APMAP: variants seen among roughly 807,000 people sequenced by gnomAD.
The protein encoded by APMAP is adipocyte plasma membrane associated protein.
In APMAP, 33 loss-of-function variants were observed where a neutral mutation model predicts 43.6. That is an observed-to-expected ratio of 0.76 (90% CI 0.57 to 1.01). The LOEUF is 1.01. Among genes scored for constraint, APMAP ranks in the 50% least tolerant of loss-of-function variants. The pLI is 0.00. For missense variants in APMAP, 498 were observed against 540.7 expected, an observed-to-expected ratio of 0.92 and a Z score of 0.78; for synonymous variants, 224 against 216.7, an observed-to-expected ratio of 1.03 and a Z score of -0.30.
intron 2 of APMAP, among the ~76,000 whole-genome samples, chr20:24,982,843 C>T (rs2088117206): frequency 6.6e-6 from 1 of 151,722 alleles, no homozygotes; most frequent in Non-Finnish European, 1.5e-5. Context: ...CCCCCCCCGC[C>T]ACCCACCCCT....
At chr20:24,978,712 C>G in intron 3 of APMAP, 55 bp downstream of exon 3, 2 of 1,174,978 alleles carry the variant, frequency 1.7e-6, no homozygotes, top group Non-Finnish European at 2.5e-6. Context: ...AGAACCCGCC[C>G]CCTCAGACAA....
In APMAP at chr20:24,969,630, T is replaced by G. The variant is rs199672755; in HGVS notation, c.744A>C (p.Glu248Asp). ...RLLEYDTVTREVKVLLDQLRF... is the reference protein window; with the variant it reads ...RLLEYDTVTRDVKVLLDQLRF... ...GCAGCTGGTCCAATAAAACTTTTAC[T>G]TCCCTGGTCACAGTATCATACTCCA... Residue 248 changes from glutamate to aspartate, a missense_variant, in exon 7 of 9, where the codon GAA becomes GAC. Coordinates refer to ENST00000217456, the MANE Select transcript of APMAP (RefSeq NM_020531.3). 2.5e-5 allele frequency: 41 copies of G among 1,613,916 alleles called. No homozygotes were observed. The Admixed American group carries it at 6.3e-4, about 25-fold the overall frequency.
In APMAP at chr20:24,992,682, C is replaced by T; in HGVS notation, c.7G>A (p.Glu3Lys). 1 of 1,530,172 alleles carries T rather than the reference C, an allele frequency of 6.5e-7. No individual in the cohort carries two copies. Among genetic ancestry groups the T allele is most frequent in the Non-Finnish European group, 8.8e-7 (1 of 1,139,318 alleles). 94.8% of individuals were successfully genotyped at this position (1,530,172 alleles called of 1,614,324 possible). The change falls in exon 1 of 9, where the codon GAG (glutamate) becomes AAG (lysine). Residue 3 changes from glutamate (E) to lysine (K), a missense_variant. Physicochemically the swap from Glu to Lys is moderately conservative, Grantham distance 56 (BLOSUM62 1). Transcript: ENST00000217456. Reference protein sequence around the residue: MSEADGLRQRRPL... With the variant: MSKADGLRQRRPL... ...CGGCGCTGTCGCAGCCCGTCCGCCT[C>T]GCTCATGGTACGGGCGCCAGCCTCA...
chr20:24,970,127 A>G (rs530061238), intron 6 of APMAP, 70 bp downstream of exon 6: 1 of 1,560,808 alleles, frequency 6.4e-7, no homozygotes, highest in South Asian at 1.1e-5. Context: ...CCTAGAAGTA[A>G]CAGGCTCTGC....
chr20:24,983,879 C>A (rs774281380), intron 2 of APMAP, 24 bp downstream of exon 2: 4 of 1,537,214 alleles, frequency 2.6e-6, no homozygotes, highest in Non-Finnish European at 2.7e-6. Context: ...AGCAACCCCT[C>A]CTGAGGACTG....
chr20:24,980,646 A>G lies in APMAP; in HGVS notation c.213-1764T>C, dbSNP rs111747494. On this transcript the variant is annotated intron_variant, in intron 2 of 8. Transcript: ENST00000217456. ...ACCACAGTCAAGAGGCCATGCTACC[A>G]TGACAAAAGCAGACCTACCAGCTTC... 6.1e-3 allele frequency among the ~76,000 whole-genome samples: 915 copies of G among 149,122 alleles called. 14 individuals are homozygous for G. Among genetic ancestry groups the G allele is most frequent in the African/African-American group, 0.022 (891 of 40,038 alleles).
Position 24,992,743 on chromosome 20 carries a change from T to A in APMAP, c.-55A>T. 1 of 1,358,316 alleles carries A rather than the reference T, an allele frequency of 7.4e-7. No homozygotes were observed. Among genetic ancestry groups the A allele is most frequent in the Non-Finnish European group, 9.8e-7 (1 of 1,025,434 alleles). The allele number at this position is 1,358,316 out of a possible 1,614,324, so 84.1% of individuals were successfully genotyped here. A position where few individuals can be genotyped will look rare whatever the true frequency, so the allele number is the denominator to read the frequency against. On this transcript the variant is annotated 5_prime_UTR_variant, in exon 1 of 9. Transcript: ENST00000217456. ...CCACCTCACACTGAGCGGCGCCGGC[T>A]CAGACTCCAGGCCCGCCCTCCCCCG...
At chr20:24,980,958 G>A (rs1159162433) in intron 2 of APMAP, among the ~76,000 whole-genome samples, 2 of 152,224 alleles carry the variant, frequency 1.3e-5, no homozygotes, top group Admixed American at 1.3e-4. Context: ...GCTGATGGAC[G>A]GGTGTTTGGG....
At chr20:24,981,604 G>A (rs1189495499) in intron 2 of APMAP, among the ~76,000 whole-genome samples, 1 of 152,154 alleles carries the variant, frequency 6.6e-6, no homozygotes, top group Admixed American at 6.5e-5. Flanking sequence ...CACCCATAAA[G>A]GTTGTTGCTA....
At chr20:24,991,683 A>G (rs1211391479) in intron 1 of APMAP, among the ~76,000 whole-genome samples, 2 of 152,238 alleles carry the variant, frequency 1.3e-5, no homozygotes, top group African/African-American at 2.4e-5. Flanking sequence ...TCTATCAAAT[A>G]TAAGTCAATC....
chr20:24,971,505 C>G lies in APMAP; in HGVS notation c.493G>C (p.Val165Leu). Residue 165 changes from valine (V) to leucine (L), a missense_variant, in exon 5 of 9, where the codon GTG becomes CTG. Physicochemically the swap from Val to Leu is conservative, Grantham distance 32. Coordinates refer to ENST00000217456, the MANE Select transcript of APMAP (RefSeq NM_020531.3). ...IRAGPNGTLF[V>L]ADAYKGLFEV... ...AATAGTCCCTTGTATGCATCGGCCA[C>G]AAAGAGAGTCCCATTGGGCCCTGCA... 6.2e-7 allele frequency: 1 copy of G among 1,614,226 alleles called. No homozygotes were observed. Among genetic ancestry groups the G allele is most frequent in the Non-Finnish European group, 8.5e-7 (1 of 1,180,028 alleles).
At chr20:24,976,675 C>T (rs1207711185) in intron 3 of APMAP, among the ~76,000 whole-genome samples, 2 of 152,196 alleles carry the variant, frequency 1.3e-5, no homozygotes, top group Non-Finnish European at 2.9e-5. Context: ...AGCAATTATG[C>T]TTTTCGGTAT....
At chr20:24,972,202 G>A (rs921550196) in intron 4 of APMAP, among the ~76,000 whole-genome samples, 1 of 147,770 alleles carries the variant, frequency 6.8e-6, no homozygotes, top group Non-Finnish European at 1.5e-5. Flanking sequence ...TGTTCACTGT[G>A]AGGTACTCAC....
At chr20:24,989,036 A>C (rs1268289397) in intron 1 of APMAP, among the ~76,000 whole-genome samples, 6 of 150,860 alleles carry the variant, frequency 4.0e-5, no homozygotes, top group Non-Finnish European at 8.8e-5. Context: ...GGCCCTCATC[A>C]GTGTTGCTTC....
chr20:24,980,495 C>T (rs923930436), intron 2 of APMAP, among the ~76,000 whole-genome samples: 4 of 146,952 alleles, frequency 2.7e-5, no homozygotes, highest in South Asian at 2.2e-4. Context: ...TGCTCGGCCT[C>T]GGTCACCTCT....
At chr20:24,976,871 G>A (rs999543003) in intron 3 of APMAP, among the ~76,000 whole-genome samples, 25 of 152,226 alleles carry the variant, frequency 1.6e-4, no homozygotes, top group Admixed American at 9.2e-4. Flanking sequence ...ATCAACCCAT[G>A]GAAAGACATG....
chr20:24,978,656 G>A lies in APMAP; in HGVS notation c.328+111C>T, dbSNP rs2088071663. 9 of 827,288 alleles carry A rather than the reference G, an allele frequency of 1.1e-5. No homozygotes were observed. The Admixed American group carries it at 1.6e-4, about 14-fold the overall frequency. 51.2% of individuals were successfully genotyped at this position (827,288 alleles called of 1,614,324 possible). ...CCACGTCCGCAGCTAAGAAGGATGT[G>A]CAGGGCCCCAGTCCAGGGGCAGCGT... is the stretch of plus-strand genomic sequence containing the variant. On this transcript the variant is annotated intron_variant, in intron 3 of 8. Transcript: ENST00000217456.
intron 3 of APMAP, chr20:24,974,168 T>C (rs79391840): frequency 1.3e-5 from 2 of 155,616 alleles, no homozygotes; most frequent in African/African-American, 4.8e-5. Flanking sequence ...TACAGCACAT[T>C]AAGTGCTTAC....
At chr20:24,987,353 G>A (rs2088156374) in intron 1 of APMAP, among the ~76,000 whole-genome samples, 2 of 152,112 alleles carry the variant, frequency 1.3e-5, no homozygotes, top group Non-Finnish European at 2.9e-5. Context: ...TGAACTTCTG[G>A]CCTCAAGCAG....
Sources: allele counts gnomAD v4.1 joint callset (sites outside exome capture counted in the v4.1 genomes callset), GRCh38; gene constraint gnomAD v4.1.1; transcripts MANE v1.5; gene names NCBI Gene and HGNC (gene_info 2026-07-23, HGNC 2026-07-21).